LRP1B: variants seen among roughly 807,000 people sequenced by gnomAD.
The protein encoded by LRP1B is low-density lipoprotein receptor-related protein 1B.
In LRP1B, 217 loss-of-function variants were observed where a neutral mutation model predicts 556.6. The observed-to-expected ratio is 0.39, with a 90% CI of 0.35 to 0.44. LRP1B has a LOEUF of 0.44. LRP1B is among the 20% of genes least tolerant of loss of function. LRP1B has a pLI of 1.00. For missense variants in LRP1B, 5,053 were observed against 5,620.8 expected, an observed-to-expected ratio of 0.90 and a Z score of 3.23; for synonymous variants, 2,047 against 1,865.8, an observed-to-expected ratio of 1.10 and a Z score of -2.50.
chr2:141,640,314 T>A (rs1689283879), intron 2 of LRP1B, among the ~76,000 whole-genome samples: 3 of 152,232 alleles, frequency 2.0e-5, no homozygotes, highest in Non-Finnish European at 4.4e-5. Context: ...TTTTATATTC[T>A]CATTTGACAA....
chr2:140,559,278 T>C (rs1175200316), intron 43 of LRP1B, among the ~76,000 whole-genome samples: 1 of 152,052 alleles, frequency 6.6e-6, no homozygotes, highest in Non-Finnish European at 1.5e-5. Flanking sequence ...AGATTAAAAA[T>C]ATTTAAGAGA....
Position 141,510,195 on chromosome 2 carries a change from G to GACACACACAC in LRP1B, c.206-29672_206-29663dup, listed in dbSNP as rs59647485. On this transcript the variant is annotated intron_variant, in intron 2 of 90. Coordinates refer to ENST00000389484, the MANE Select transcript of LRP1B (RefSeq NM_018557.3). ...CCTAGGTTATGAGTTCGGCAATACAGACACACACACACACACACACACACA... is the reference window on the plus strand; with the variant it reads ...CCTAGGTTATGAGTTCGGCAATACAGACACACACACACACACACACACACACACACACACA... Among the ~76,000 whole-genome samples, 155 of 95,094 alleles carry GACACACACAC rather than the reference G, an allele frequency of 1.6e-3. No individual in the cohort carries two copies. The East Asian group carries it at 0.017, about 11-fold the overall frequency. The allele number at this position is 95,094 out of a possible 152,430, so 62.4% of individuals were successfully genotyped here. A position where few individuals can be genotyped will look rare whatever the true frequency, so the allele number is the denominator to read the frequency against.
At chr2:140,310,009 C>T (rs1479493071) in intron 83 of LRP1B, among the ~76,000 whole-genome samples, 2 of 151,798 alleles carry the variant, frequency 1.3e-5, no homozygotes, top group South Asian at 2.1e-4. Context: ...ACTTTTTAAA[C>T]TCTTGCTGAG....
At chr2:140,514,578 T>A in intron 51 of LRP1B, 75 bp downstream of exon 51, 1 of 1,360,968 alleles carries the variant, frequency 7.3e-7, no homozygotes, top group Non-Finnish European at 9.7e-7. Flanking sequence ...ATTAGCAAAT[T>A]TTGTGTATGC....
At position 141,147,855 on chromosome 2, in the gene LRP1B, TCCTTTTCTTTTA is replaced by T. The variant is rs764496186; in HGVS notation, c.1013+40554_1013+40565del. Among the ~76,000 whole-genome samples, 13 of 152,326 alleles carry T rather than the reference TCCTTTTCTTTTA, an allele frequency of 8.5e-5. No homozygotes were observed. In the East Asian group the frequency reaches 1.7e-3, roughly 20 times the overall value. ...CCATAAGTTTATAATACCGTATTTTTCCTTTTCTTTTACCTTTTCTATGTTTAGATACACAAA... is the reference window on the plus strand; with the variant it reads ...CCATAAGTTTATAATACCGTATTTTTCCTTTTCTATGTTTAGATACACAAA... On this transcript the variant is annotated intron_variant, in intron 7 of 90. Coordinates refer to ENST00000389484, the MANE Select transcript of LRP1B (RefSeq NM_018557.3).
At chr2:141,705,233 G>C (rs529292544) in intron 2 of LRP1B, among the ~76,000 whole-genome samples, 70 of 151,952 alleles carry the variant, frequency 4.6e-4, no homozygotes, top group African/African-American at 1.6e-3. Context: ...AAAAATGTAG[G>C]CTTGAATATC....
intron 41 of LRP1B, among the ~76,000 whole-genome samples, chr2:140,660,146 A>AC (rs139162053): frequency 0.077 from 11,763 of 152,058 alleles, 570 homozygotes; most frequent in African/African-American, 0.13. Context: ...TCCCCTCAAA[A>AC]AAAAACTCCT....
chr2:141,830,019 T>C (rs1232673818), intron 1 of LRP1B, among the ~76,000 whole-genome samples: 1 of 151,808 alleles, frequency 6.6e-6, no homozygotes, highest in South Asian at 2.1e-4. Flanking sequence ...ATGACACCAC[T>C]GACAAAAGCA....
rs529316311 is a variant in LRP1B, at chr2:141,500,421, T to C, written c.206-19888A>G. Among the ~76,000 whole-genome samples, 18 of 152,232 alleles carry C rather than the reference T, an allele frequency of 1.2e-4. 1 individual carries two copies. The East Asian group carries it at 3.5e-3, about 29-fold the overall frequency. On this transcript the variant is annotated intron_variant, in intron 2 of 90. Transcript: ENST00000389484. ...TTGATCTGTGTTTTGTCACTTTAAT[T>C]TGCAGGCCCCGGTTACTAAGCTAAA...
chr2:141,950,871 T>G (rs946986804), intron 1 of LRP1B, among the ~76,000 whole-genome samples: 5 of 152,180 alleles, frequency 3.3e-5, no homozygotes, highest in Non-Finnish European at 7.4e-5. Flanking sequence ...ATATATTGTA[T>G]GCCTAAATCT....
At chr2:141,423,290 CTTT>C (rs1176569388) in intron 3 of LRP1B, among the ~76,000 whole-genome samples, 1,800 of 67,958 alleles carry the variant, frequency 0.026, 22 homozygotes, top group East Asian at 0.14. Flanking sequence ...ACAGCCAGAG[CTTT>C]TTTTTTTTTT....
intron 32 of LRP1B, among the ~76,000 whole-genome samples, chr2:140,794,593 A>G (rs766541714): frequency 1.3e-5 from 2 of 151,552 alleles, no homozygotes; most frequent in Non-Finnish European, 2.9e-5. Flanking sequence ...TTTTACTCAC[A>G]TGGTATTTGT....
intron 11 of LRP1B, among the ~76,000 whole-genome samples, chr2:141,022,678 A>T (rs1458211646): frequency 1.3e-5 from 2 of 151,976 alleles, no homozygotes; most frequent in Non-Finnish European, 2.9e-5. Context: ...GGACACATGA[A>T]GGTTGTGGCA....
chr2:141,599,073 C>A (rs1308201822), intron 2 of LRP1B, among the ~76,000 whole-genome samples: 1 of 84,548 alleles, frequency 1.2e-5, no homozygotes, highest in African/African-American at 4.5e-5. Flanking sequence ...CCCCCCCCCC[C>A]CGCTTTAACT....
chr2:140,924,157 A>AG (rs1694820002), intron 20 of LRP1B, among the ~76,000 whole-genome samples: 1 of 152,000 alleles, frequency 6.6e-6, no homozygotes, highest in South Asian at 2.1e-4. Context: ...AGCAGGTTCA[A>AG]GTGAATTTCT....
At chr2:142,103,217 A>T (rs1182256115) in intron 1 of LRP1B, among the ~76,000 whole-genome samples, 1 of 152,022 alleles carries the variant, frequency 6.6e-6, no homozygotes, top group East Asian at 1.9e-4. Context: ...TAAAATAATC[A>T]TGCAAATTAT....
intron 41 of LRP1B, among the ~76,000 whole-genome samples, chr2:140,687,007 T>C (rs2105390050): frequency 6.6e-6 from 1 of 152,044 alleles, no homozygotes; most frequent in Non-Finnish European, 1.5e-5. Flanking sequence ...AGGATGCAGG[T>C]AAAGAAAAAA....
At chr2:141,302,024 T>C (rs1686414148) in intron 3 of LRP1B, among the ~76,000 whole-genome samples, 1 of 152,092 alleles carries the variant, frequency 6.6e-6, no homozygotes, top group African/African-American at 2.4e-5. Flanking sequence ...CAAAAAATTA[T>C]ATATACATAT....
In LRP1B at chr2:141,344,204, T is replaced by C. The variant is rs150156459; in HGVS notation, c.344-89563A>G. ...CCCTTGGCTGGAATAGAAAGCCTGATTGAAATTTAAATAAAATTATGTCCC... is the reference window on the plus strand; with the variant it reads ...CCCTTGGCTGGAATAGAAAGCCTGACTGAAATTTAAATAAAATTATGTCCC... On this transcript the variant is annotated intron_variant, in intron 3 of 90. Coordinates refer to ENST00000389484, the MANE Select transcript of LRP1B (RefSeq NM_018557.3). Among the ~76,000 whole-genome samples the C allele has an allele frequency of 3.9e-3, 598 of 152,274 alleles. 3 individuals are homozygous for C. Among genetic ancestry groups the C allele is most frequent in the African/African-American group, 0.014 (580 of 41,542 alleles).
Sources: gnomAD v4.1 joint callset for allele counts (sites outside exome capture counted in the v4.1 genomes callset) on GRCh38, gnomAD v4.1.1 for gene constraint, MANE v1.5 for transcripts, NCBI Gene and HGNC (gene_info 2026-07-23, HGNC 2026-07-21) for gene names.